NRXN3: variants seen among roughly 807,000 people sequenced by gnomAD.
NRXN3 encodes the protein neurexin III.
In NRXN3, 32 loss-of-function variants were observed where a neutral mutation model predicts 137.6. The observed-to-expected ratio is 0.23, with a 90% CI of 0.18 to 0.31. The LOEUF is 0.31. NRXN3 is among the 10% of genes least tolerant of loss of function. The probability of loss-of-function intolerance (pLI) is 1.00; values close to 1 mark genes in which losing one functional copy is unlikely to be tolerated. For missense variants in NRXN3, 1,574 were observed against 2,062.5 expected (o/e 0.76, Z 4.59); for synonymous variants, 798 against 784.5 (o/e 1.02, Z -0.29).
At chr14:79,446,389 T>C (rs1202210767) in intron 15 of NRXN3, among the ~76,000 whole-genome samples, 1 of 152,208 alleles carries the variant, frequency 6.6e-6, no homozygotes, top group Non-Finnish European at 1.5e-5. Flanking sequence ...GAAAACACTT[T>C]TTCTCTTCAA....
intron 4 of NRXN3, among the ~76,000 whole-genome samples, chr14:78,457,520 G>A (rs180832885): frequency 3.9e-4 from 60 of 152,272 alleles, no homozygotes; most frequent in Admixed American, 3.9e-3. Flanking sequence ...CCAGGATCAG[G>A]TAGTACTGAG....
At chr14:79,455,360 A>AG (rs1216647172) in intron 15 of NRXN3, among the ~76,000 whole-genome samples, 1 of 152,200 alleles carries the variant, frequency 6.6e-6, no homozygotes, top group Non-Finnish European at 1.5e-5. Flanking sequence ...AGGAATTTGC[A>AG]GGGGGATCAT....
chr14:78,854,867 C>G (rs773721527), intron 10 of NRXN3, among the ~76,000 whole-genome samples: 1 of 151,962 alleles, frequency 6.6e-6, no homozygotes, highest in Non-Finnish European at 1.5e-5. Context: ...GTCAAGAAAT[C>G]GAGACCATCC....
intron 15 of NRXN3, chr14:79,280,660 G>T (rs574645623): frequency 9.7e-6 from 10 of 1,030,186 alleles, no homozygotes; most frequent in South Asian, 9.3e-5. Context: ...ATGATGAAAA[G>T]CATCGTATGT....
At chr14:79,519,746 G>C (rs888865018) in intron 16 of NRXN3, among the ~76,000 whole-genome samples, 1 of 146,548 alleles carries the variant, frequency 6.8e-6, no homozygotes, top group Non-Finnish European at 1.5e-5. Flanking sequence ...ACTGTGATCA[G>C]AAAATGTGTA....
intron 1 of NRXN3, among the ~76,000 whole-genome samples, chr14:78,184,028 T>C (rs2153359355): frequency 6.6e-6 from 1 of 152,332 alleles, no homozygotes; most frequent in East Asian, 1.9e-4. Flanking sequence ...CTTACAAATG[T>C]GAGTTGATGA....
At chr14:78,969,201 T>C (rs2099429470) in intron 14 of NRXN3, among the ~76,000 whole-genome samples, 1 of 146,112 alleles carries the variant, frequency 6.8e-6, no homozygotes, top group Non-Finnish European at 1.5e-5. Flanking sequence ...CAACAAACCA[T>C]GCTCAGCCTG....
chr14:79,556,342 G>T (rs1289705038), intron 16 of NRXN3, among the ~76,000 whole-genome samples: 2 of 152,156 alleles, frequency 1.3e-5, no homozygotes, highest in Non-Finnish European at 2.9e-5. Context: ...GATGCTTAAA[G>T]AATAGGTGGA....
chr14:79,452,827 A>G (rs151185107), intron 15 of NRXN3, among the ~76,000 whole-genome samples: 3 of 152,362 alleles, frequency 2.0e-5, no homozygotes, highest in Non-Finnish European at 4.4e-5. Context: ...AAAACAAAGT[A>G]TAAGCTAAGG....
At chr14:78,633,251 C>CAAATAAAAAAA (rs2097537914) in intron 4 of NRXN3, among the ~76,000 whole-genome samples, 1 of 68,078 alleles carries the variant, frequency 1.5e-5, no homozygotes, top group South Asian at 5.6e-4. Flanking sequence ...GAGACTCTGT[C>CAAATAAAAAAA]AAAAAAAAAA....
intron 15 of NRXN3, among the ~76,000 whole-genome samples, chr14:79,091,716 C>T (rs12431671): frequency 0.5 from 76,319 of 151,882 alleles, 22,389 homozygotes; most frequent in East Asian, 0.78. Context: ...CTAGTTAGTA[C>T]CCCAGGAGAC....
chr14:79,749,666 G>C lies in NRXN3; in HGVS notation c.4014+51729G>C, dbSNP rs74456903. On this transcript the variant is annotated intron_variant, in intron 19 of 20. Transcript: ENST00000335750. Reference sequence around the variant, plus strand: ...TCTCTTTGCCTGTTGCCTCACATTGGATGTCACCAATCTGGGAAGCCTTTG... The same window carrying C: ...TCTCTTTGCCTGTTGCCTCACATTGCATGTCACCAATCTGGGAAGCCTTTG... Among the ~76,000 whole-genome samples, 958 of 152,166 alleles carry C rather than the reference G, an allele frequency of 6.3e-3. 10 individuals are homozygous for C. The highest frequency in any genetic ancestry group is 0.022 in the African/African-American group (929 of 41,518).
intron 1 of NRXN3, among the ~76,000 whole-genome samples, chr14:78,191,957 C>A (rs1226887940): frequency 6.6e-6 from 1 of 152,042 alleles, no homozygotes; most frequent in East Asian, 1.9e-4. Context: ...ATCATGCCAG[C>A]TGGGCCAGTG....
At chr14:79,271,371 C>T (rs1178470274) in intron 15 of NRXN3, among the ~76,000 whole-genome samples, 1 of 145,092 alleles carries the variant, frequency 6.9e-6, no homozygotes, top group African/African-American at 2.5e-5. Flanking sequence ...CCTCTCCCCT[C>T]CCCTCCCTTA....
chr14:79,725,265 A>C (rs1603450492), intron 19 of NRXN3, among the ~76,000 whole-genome samples: 2 of 152,292 alleles, frequency 1.3e-5, no homozygotes, highest in East Asian at 3.9e-4. Context: ...TACATGTCTG[A>C]CAATTTCCAT....
chr14:78,344,604 T>C (rs1370589594), intron 4 of NRXN3, among the ~76,000 whole-genome samples: 1 of 152,220 alleles, frequency 6.6e-6, no homozygotes, highest in Non-Finnish European at 1.5e-5. Flanking sequence ...CTGACGTGGC[T>C]GCTTTCGTTT....
chr14:78,426,455 A>G (rs2093668969), intron 4 of NRXN3, among the ~76,000 whole-genome samples: 2 of 152,226 alleles, frequency 1.3e-5, no homozygotes, highest in African/African-American at 4.8e-5. Context: ...GGCCCCTATA[A>G]CAAAAGATGG....
intron 1 of NRXN3, among the ~76,000 whole-genome samples, chr14:78,218,195 A>G (rs1321012021): frequency 6.6e-6 from 1 of 152,068 alleles, no homozygotes; most frequent in Non-Finnish European, 1.5e-5. Context: ...CTGTCTCTAC[A>G]GAAAAAAAAA....
intron 4 of NRXN3, among the ~76,000 whole-genome samples, chr14:78,523,749 G>A (rs1028593464): frequency 6.9e-6 from 1 of 145,482 alleles, no homozygotes; most frequent in African/African-American, 2.6e-5. Flanking sequence ...CCCAGGAGGC[G>A]GAGCTTGCAG....
Sources: allele counts gnomAD v4.1 joint callset (sites outside exome capture counted in the v4.1 genomes callset), GRCh38; gene constraint gnomAD v4.1.1; transcripts MANE v1.5; gene names NCBI Gene and HGNC (gene_info 2026-07-23, HGNC 2026-07-21).